Variants in DDX17 observed in about 807,000 individuals in gnomAD.
The protein encoded by DDX17 is DEAD-box helicase 17.
Under a neutral mutation model 80.8 loss-of-function variants are expected in DDX17, and 10 were observed. The ratio of observed to expected loss-of-function variants is 0.12; its 90% CI spans 0.08 to 0.21. The LOEUF is 0.21. Ranked by LOEUF, DDX17 falls within the 10% of genes least tolerant of loss-of-function variation. The pLI is 1.00. For missense variants in DDX17, 586 were observed against 957.4 expected (o/e 0.61, Z 5.12); for synonymous variants, 339 against 336.2 (o/e 1.01, Z -0.09).
chr22:38,503,324 C>T (rs548806657), intron 1 of DDX17, among the ~76,000 whole-genome samples: 1 of 152,164 alleles, frequency 6.6e-6, no homozygotes, highest in Non-Finnish European at 1.5e-5. Flanking sequence ...ATTGTTATTG[C>T]CACATTGCAA....
At chr22:38,493,832 T>TA in intron 9 of DDX17, 61 bp from the exon 10 acceptor site, 1 of 1,523,444 alleles carries the variant, frequency 6.6e-7, no homozygotes, top group Non-Finnish European at 9.1e-7. Flanking sequence ...AATCGAACTT[T>TA]AAAGCCAAAT....
At position 38,494,233 on chromosome 22, in the gene DDX17, A is replaced by G. The variant is rs1344813889; in HGVS notation, c.1215-102T>C. ...CAAGGCTACAGTACTTTCTTTGCAC[A>G]TTACGCTTTTAAAATTTTTAATAAC... On this transcript the variant is annotated intron_variant, in intron 8 of 12. Transcript: ENST00000403230. The G allele has an allele frequency of 2.1e-5, 17 of 807,034 alleles. No homozygotes were observed. In the East Asian group the frequency reaches 2.8e-4, roughly 13 times the overall value. The allele number at this position is 807,034 out of a possible 1,614,324, so 50.0% of individuals were successfully genotyped here.
intron 9 of DDX17, 76 bp from the exon 10 acceptor site, chr22:38,493,847 T>C: frequency 4.8e-6 from 7 of 1,462,920 alleles, no homozygotes; most frequent in Non-Finnish European, 6.7e-6. Flanking sequence ...CCAAATGCTA[T>C]CATGCAATTT....
chr22:38,498,280 G>T, intron 4 of DDX17, 130 bp from the exon 5 acceptor site: 1 of 1,374,798 alleles, frequency 7.3e-7, no homozygotes, highest in Non-Finnish European at 1.0e-6. Context: ...TATACAGGAA[G>T]CAATACAAAT....
chr22:38,498,212 A>G (rs908140148), intron 4 of DDX17, 62 bp from the exon 5 acceptor site: 17 of 1,560,058 alleles, frequency 1.1e-5, no homozygotes, highest in Non-Finnish European at 1.5e-5. Context: ...TTAGATACTT[A>G]GTAATTACTG....
intron 1 of DDX17, among the ~76,000 whole-genome samples, chr22:38,503,445 AC>A (rs1284129068): frequency 2.6e-5 from 4 of 151,988 alleles, no homozygotes; most frequent in Non-Finnish European, 5.9e-5. Context: ...CTCTCTCCTT[AC>A]TTCCCTGGCT....
intron 10 of DDX17, among the ~76,000 whole-genome samples, chr22:38,492,378 T>C (rs559147442): frequency 6.6e-5 from 10 of 152,316 alleles, no homozygotes; most frequent in Admixed American, 6.5e-4. Context: ...CTTAAAGTTA[T>C]TTCCCAAATG....
At chr22:38,490,193 A>G in intron 11 of DDX17, 1 of 1,199,892 alleles carries the variant, frequency 8.3e-7, no homozygotes, top group Non-Finnish European at 1.1e-6. Flanking sequence ...GTGCACTGCC[A>G]CAATATTATC....
chr22:38,503,485 A>G (rs1026745644), intron 1 of DDX17, among the ~76,000 whole-genome samples: 1 of 152,166 alleles, frequency 6.6e-6, no homozygotes, highest in Admixed American at 6.5e-5. Flanking sequence ...ATTCTACACT[A>G]AACATTTAAT....
chr22:38,501,251 G>A lies in DDX17; in HGVS notation c.317C>T (p.Pro106Leu), dbSNP rs750392213. Residue 106 changes from proline to leucine, a missense_variant, in exon 2 of 13, where the codon CCC (proline) becomes CTC (leucine). By Grantham distance (98) the Pro-to-Leu change is moderately conservative. Transcript: ENST00000403230. ...CCCAGGATTACCAAATTTCTTCGGG[G>A]GAAGGCCACCACCACCTCTTGCTCC... 2.5e-6 allele frequency: 4 copies of A among 1,612,026 alleles called. No homozygotes were observed. The Admixed American group carries it at 5.0e-5, about 20-fold the overall frequency.
chr22:38,486,386 T>C lies in DDX17; in HGVS notation c.1739A>G (p.Tyr580Cys). ...AAGCCTTCGGTCACACTCATCCTGA[T>C]ACATCAGATTGGGATTGTTGGCTGA... The change falls in exon 13 of 13, where the codon TAT becomes TGT. Residue 580 changes from tyrosine (Y) to cysteine (C), a missense_variant. Tyr to Cys is a radical substitution (Grantham distance 194, BLOSUM62 -2). Transcript: ENST00000403230. 3 of 1,613,990 alleles carry C rather than the reference T, an allele frequency of 1.9e-6. No homozygotes were observed. Among genetic ancestry groups the C allele is most frequent in the Non-Finnish European group, 2.5e-6 (3 of 1,179,938 alleles).
chr22:38,498,990 T>A (rs1476034780), intron 3 of DDX17, among the ~76,000 whole-genome samples: 1 of 152,154 alleles, frequency 6.6e-6, no homozygotes, highest in East Asian at 1.9e-4. Flanking sequence ...TCAGCCTGGG[T>A]GACAACGTTG....
At chr22:38,498,704 T>C in intron 3 of DDX17, 131 bp from the exon 4 acceptor site, 2 of 945,184 alleles carry the variant, frequency 2.1e-6, no homozygotes, top group Non-Finnish European at 3.1e-6. Context: ...TTTTTCTTTA[T>C]CTACTAGATC....
In DDX17 at chr22:38,486,201, C is replaced by A; in HGVS notation, c.1924G>T (p.Ala642Ser). 6.2e-7 allele frequency: 1 copy of A among 1,613,958 alleles called. No individual in the cohort carries two copies. Among genetic ancestry groups the A allele is most frequent in the Non-Finnish European group, 8.5e-7 (1 of 1,179,834 alleles). The change falls in exon 13 of 13, where the codon GCA becomes TCA. Residue 642 changes from alanine to serine, a missense_variant. By Grantham distance (99) the Ala-to-Ser change is moderately conservative. Transcript: ENST00000403230. Reference sequence around the variant, plus strand: ...TAGCTACTGGTGCCATAAGCAGCTGCCCCATAGGTGCCTTGACCATAGGTG... The same window carrying A: ...TAGCTACTGGTGCCATAAGCAGCTGACCCATAGGTGCCTTGACCATAGGTG...
At chr22:38,492,960 T>C (rs111260024) in intron 10 of DDX17, among the ~76,000 whole-genome samples, 16 of 152,314 alleles carry the variant, frequency 1.1e-4, no homozygotes, top group African/African-American at 3.6e-4. Context: ...AGTTATATTT[T>C]TATAATCAGA....
In DDX17 at chr22:38,484,421, T is replaced by TAA. The variant is rs2089634339; in HGVS notation, c.*1512_*1513dup. 1 of 152,230 alleles carries TAA rather than the reference T, an allele frequency of 6.6e-6. No homozygotes were observed. Among genetic ancestry groups the TAA allele is most frequent in the South Asian group, 2.1e-4 (1 of 4,834 alleles). 9.4% of individuals were successfully genotyped at this position (152,230 alleles called of 1,614,324 possible). The stretch of plus-strand genomic sequence containing the variant: ...CCATCCCTCTCTCCCTAAAGAATTT[T>TAA]AAAAGGAAAACAAAACCTCGAGTAT... On this transcript the variant is annotated 3_prime_UTR_variant, in exon 13 of 13. Transcript: ENST00000403230.
chr22:38,498,418 ATCT>A lies in DDX17; in HGVS notation c.672+19_672+21del. On this transcript the variant is annotated intron_variant, in intron 4 of 12. Transcript: ENST00000403230. ...AAAATAAGTTACCACAATATCAAGG[ATCT>A]TCTCTTGCTCATACATACCGCCAAC... 6.2e-7 allele frequency: 1 copy of A among 1,613,448 alleles called. No individual in the cohort carries two copies. Among genetic ancestry groups the A allele is most frequent in the Non-Finnish European group, 8.5e-7 (1 of 1,179,566 alleles).
chr22:38,504,225 A>G (rs2089858170), intron 1 of DDX17, among the ~76,000 whole-genome samples: 2 of 152,210 alleles, frequency 1.3e-5, no homozygotes, highest in Admixed American at 6.5e-5. Context: ...ACCCTACCAC[A>G]ACGTGCTTTT....
At chr22:38,498,908 G>T (rs1208848204) in intron 3 of DDX17, among the ~76,000 whole-genome samples, 2 of 152,100 alleles carry the variant, frequency 1.3e-5, no homozygotes, top group Non-Finnish European at 2.9e-5. Context: ...CCAGCTACTC[G>T]GGAGGGTGAA....
Sources: allele counts gnomAD v4.1 joint callset (sites outside exome capture counted in the v4.1 genomes callset), GRCh38; gene constraint gnomAD v4.1.1; transcripts MANE v1.5; gene names NCBI Gene and HGNC (gene_info 2026-07-23, HGNC 2026-07-21).